SLIT2: variants seen among roughly 807,000 people sequenced by gnomAD.
SLIT2 encodes the protein slit guidance ligand 2.
Under a neutral mutation model 185.7 loss-of-function variants are expected in SLIT2, and 41 were observed. The observed-to-expected ratio is 0.22, with a 90% CI of 0.17 to 0.29. The LOEUF (loss-of-function observed/expected upper bound fraction) is 0.29. Among genes scored for constraint, SLIT2 ranks in the 10% least tolerant of loss-of-function variants. The pLI is 1.00. For synonymous variants in SLIT2, 693 were observed against 680.2 expected (o/e 1.02, Z -0.29); for missense variants, 1,571 against 1,909.0 (o/e 0.82, Z 3.30).
intron 4 of SLIT2, among the ~76,000 whole-genome samples, chr4:20,320,752 T>G (rs1249927572): frequency 5.3e-5 from 8 of 152,180 alleles, no homozygotes; most frequent in Non-Finnish European, 2.9e-5. Context: ...TTGTACAGGA[T>G]GTACAGATCT....
At chr4:20,410,448 G>T (rs1436275119) in intron 4 of SLIT2, among the ~76,000 whole-genome samples, 2 of 151,136 alleles carry the variant, frequency 1.3e-5, no homozygotes, top group East Asian at 1.9e-4. Context: ...TAGAGATGGG[G>T]TTTCACCATG....
At chr4:20,511,422 T>G (rs921205364) in intron 11 of SLIT2, among the ~76,000 whole-genome samples, 1 of 135,916 alleles carries the variant, frequency 7.4e-6, no homozygotes, top group African/African-American at 2.8e-5. Flanking sequence ...TTTTATTTCT[T>G]TTTTTTTTTT....
intron 4 of SLIT2, among the ~76,000 whole-genome samples, chr4:20,450,045 T>A (rs890649782): frequency 6.6e-6 from 1 of 152,194 alleles, no homozygotes; most frequent in East Asian, 1.9e-4. Flanking sequence ...ACCTGCATTC[T>A]TTTTTTCAGT....
intron 29 of SLIT2, among the ~76,000 whole-genome samples, chr4:20,584,317 GAACAGTT>G (rs1488987256): frequency 6.6e-6 from 1 of 152,138 alleles, no homozygotes; most frequent in Non-Finnish European, 1.5e-5. Context: ...TCCCCAATAA[GAACAGTT>G]ACTTCCTGAG....
intron 35 of SLIT2, 89 bp downstream of exon 35, chr4:20,617,287 C>CGGGAA: frequency 2.4e-6 from 1 of 414,792 alleles, no homozygotes; most frequent in Non-Finnish European, 4.6e-6. Flanking sequence ...GGGGAGGGGA[C>CGGGAA]GGGAAGGGAG....
chr4:20,423,740 A>G (rs1042168161), intron 4 of SLIT2, among the ~76,000 whole-genome samples: 13 of 152,166 alleles, frequency 8.5e-5, no homozygotes, highest in Non-Finnish European at 1.5e-4. Flanking sequence ...ACTCATAAAC[A>G]TAATGCAAAT....
At chr4:20,525,557 T>C (rs1378802649) in intron 15 of SLIT2, among the ~76,000 whole-genome samples, 1 of 152,154 alleles carries the variant, frequency 6.6e-6, no homozygotes, top group Non-Finnish European at 1.5e-5. Context: ...CAGAGATCTT[T>C]CTGATGTCAA....
At chr4:20,613,607 G>A (rs1229822827) in intron 34 of SLIT2, among the ~76,000 whole-genome samples, 1 of 152,102 alleles carries the variant, frequency 6.6e-6, no homozygotes, top group Non-Finnish European at 1.5e-5. Flanking sequence ...AACCCCTCGT[G>A]ACATGAGTTT....
At chr4:20,343,669 T>C (rs545554042) in intron 4 of SLIT2, among the ~76,000 whole-genome samples, 1 of 152,052 alleles carries the variant, frequency 6.6e-6, no homozygotes, top group African/African-American at 2.4e-5. Flanking sequence ...GCTAAGCTAA[T>C]TTTTATATTT....
At chr4:20,403,897 T>A (rs1347044828) in intron 4 of SLIT2, among the ~76,000 whole-genome samples, 66 of 146,174 alleles carry the variant, frequency 4.5e-4, no homozygotes, top group Non-Finnish European at 8.7e-4. Context: ...TAACTGGACT[T>A]AAAAAAAAAA....
At chr4:20,430,072 T>C (rs1008559619) in intron 4 of SLIT2, among the ~76,000 whole-genome samples, 76 of 152,214 alleles carry the variant, frequency 5.0e-4, no homozygotes, top group Non-Finnish European at 8.2e-4. Flanking sequence ...ATGTTGGCTG[T>C]ATCATACTGA....
At chr4:20,263,384 C>G (rs1456367792) in intron 3 of SLIT2, among the ~76,000 whole-genome samples, 2 of 151,756 alleles carry the variant, frequency 1.3e-5, no homozygotes, top group African/African-American at 2.4e-5. Context: ...TCTGCAATGT[C>G]CATACACTCT....
intron 22 of SLIT2, among the ~76,000 whole-genome samples, chr4:20,546,333 G>A (rs1288972088): frequency 2.6e-5 from 4 of 152,068 alleles, no homozygotes; most frequent in South Asian, 2.1e-4. Flanking sequence ...CAAATACAAC[G>A]AAGTCTGAGT....
intron 2 of SLIT2, among the ~76,000 whole-genome samples, chr4:20,257,506 A>G (rs1397059754): frequency 6.6e-6 from 1 of 152,072 alleles, no homozygotes; most frequent in East Asian, 1.9e-4. Context: ...AAGTATGTAT[A>G]TGATGAATTA....
intron 4 of SLIT2, among the ~76,000 whole-genome samples, chr4:20,438,102 A>G (rs1391877724): frequency 6.6e-6 from 1 of 151,712 alleles, no homozygotes; most frequent in Non-Finnish European, 1.5e-5. Context: ...TTTCTGGAAT[A>G]CTCTCTTTTC....
intron 34 of SLIT2, among the ~76,000 whole-genome samples, chr4:20,613,957 C>T (rs1352984319): frequency 3.3e-5 from 5 of 152,144 alleles, no homozygotes; most frequent in Non-Finnish European, 7.4e-5. Flanking sequence ...CTGCAACCTC[C>T]ACCTCCCGAG....
intron 5 of SLIT2, among the ~76,000 whole-genome samples, chr4:20,479,911 T>C (rs1716517620): frequency 6.6e-6 from 1 of 152,216 alleles, no homozygotes; most frequent in South Asian, 2.1e-4. Flanking sequence ...GTTTTTATGA[T>C]GTGCCTGTAG....
At chr4:20,593,010 C>T (rs1158687106) in intron 30 of SLIT2, among the ~76,000 whole-genome samples, 1 of 152,146 alleles carries the variant, frequency 6.6e-6, no homozygotes, top group Non-Finnish European at 1.5e-5. Context: ...CCTGATTTAG[C>T]ATTTTCAGAC....
chr4:20,289,100 G>C (rs947201849), intron 4 of SLIT2, among the ~76,000 whole-genome samples: 1 of 152,204 alleles, frequency 6.6e-6, no homozygotes, highest in Non-Finnish European at 1.5e-5. Flanking sequence ...GGGGCAGGGG[G>C]TGCTGATGCA....
Sources: gnomAD v4.1 joint callset for allele counts (sites outside exome capture counted in the v4.1 genomes callset) on GRCh38, gnomAD v4.1.1 for gene constraint, MANE v1.5 for transcripts, NCBI Gene and HGNC (gene_info 2026-07-23, HGNC 2026-07-21) for gene names.